The following PTAFR variants were observed in gnomAD, a reference collection of about 807,000 sequenced individuals.
PTAFR encodes platelet-activating factor receptor.
Under a neutral mutation model 14.7 loss-of-function variants are expected in PTAFR, and 8 were observed. That is an observed-to-expected ratio of 0.54 (90% CI 0.32 to 0.98). The LOEUF (loss-of-function observed/expected upper bound fraction) is 0.98. Among genes scored for constraint, PTAFR ranks in the 50% least tolerant of loss-of-function variants. PTAFR has a pLI of 0.04. For missense variants in PTAFR, 337 were observed against 451.2 expected (o/e 0.75, Z 2.29); for synonymous variants, 156 against 176.5 (o/e 0.88, Z 0.92).
chr1:28,163,979 T>C lies in PTAFR; in HGVS notation c.-39+12613A>G, dbSNP rs1210826296. 2.0e-5 allele frequency among the ~76,000 whole-genome samples: 3 copies of C among 152,130 alleles called. No individual in the cohort carries two copies. In the East Asian group the frequency reaches 5.8e-4, roughly 29 times the overall value. ...GCACAGCCTTCAGCTGGGGGTGGGG[T>C]AGAGAGGCCATAAATATTCATGAGA... On this transcript the variant is annotated intron_variant, in intron 1 of 1. Transcript: ENST00000373857.
intron 1 of PTAFR, among the ~76,000 whole-genome samples, chr1:28,168,001 C>A (rs1646407805): frequency 8.0e-6 from 1 of 124,852 alleles, no homozygotes; most frequent in Non-Finnish European, 1.6e-5. Flanking sequence ...CTCTGTAGCG[C>A]AGGCTGGAGT....
rs1419643663 is a variant in PTAFR, at chr1:28,148,578, C to T, written c.*1415G>A. On this transcript the variant is annotated 3_prime_UTR_variant, in exon 2 of 2. Coordinates refer to ENST00000373857, the MANE Select transcript of PTAFR (RefSeq NM_000952.5). ...GCTCACTGCAAGCTCCGCCTCCTCC[C>T]AGTAGCTACAGCCTATGGGACTACA... 1 of 152,502 alleles carries T rather than the reference C, an allele frequency of 6.6e-6. No individual in the cohort carries two copies. Among genetic ancestry groups the T allele is most frequent in the Non-Finnish European group, 1.5e-5 (1 of 68,292 alleles). The allele number at this position is 152,502 out of a possible 1,614,324, so 9.4% of individuals were successfully genotyped here.
chr1:28,180,778 A>G (rs1223755509), upstream of PTAFR, among the ~76,000 whole-genome samples: 2 of 152,142 alleles, frequency 1.3e-5, no homozygotes, highest in Non-Finnish European at 2.9e-5. Flanking sequence ...AAATGTCCAT[A>G]TATGTGGAAT....
At position 28,170,317 on chromosome 1, in the gene PTAFR, C is replaced by T. The variant is rs371836943; in HGVS notation, c.-39+6275G>A. On this transcript the variant is annotated intron_variant, in intron 1 of 1. Transcript: ENST00000373857. ...CACAGTCACAGTGTCCCTCACTCTTCGCTTCCAAACTCTCACACCCCAGCT... is the reference window on the plus strand; with the variant it reads ...CACAGTCACAGTGTCCCTCACTCTTTGCTTCCAAACTCTCACACCCCAGCT... 1.3e-3 allele frequency among the ~76,000 whole-genome samples: 195 copies of T among 152,282 alleles called. 4 individuals are homozygous for T. The South Asian group carries it at 0.039, about 31-fold the overall frequency.
In PTAFR at chr1:28,150,918, T is replaced by C. The variant is rs776355631; in HGVS notation, c.104A>G (p.Tyr35Cys). 6.2e-7 allele frequency: 1 copy of C among 1,614,044 alleles called. No homozygotes were observed. Among genetic ancestry groups the C allele is most frequent in the East Asian group, 2.2e-5 (1 of 44,882 alleles). ...CAGGCGGGCAAAGACCCACAGCACGTAGCCATTAGCAATGACCCCGAGCAC... is the reference window on the plus strand; with the variant it reads ...CAGGCGGGCAAAGACCCACAGCACGCAGCCATTAGCAATGACCCCGAGCAC... ...IFVLGVIANG[Y>C]VLWVFARLYP... The change falls in exon 2 of 2, where the codon TAC becomes TGC. Residue 35 changes from tyrosine to cysteine, a missense_variant. By Grantham distance (194) the Tyr-to-Cys change is radical. Coordinates refer to ENST00000373857, the MANE Select transcript of PTAFR (RefSeq NM_000952.5). The surrounding 1 kb of genome is among the most constrained non-coding windows in gnomAD (Gnocchi z 6.3).
At chr1:28,192,975 T>C (rs1646666751) in intron 1 of PTAFR, among the ~76,000 whole-genome samples, 1 of 152,200 alleles carries the variant, frequency 6.6e-6, no homozygotes, top group Non-Finnish European at 1.5e-5. Context: ...GCTTCTCCTG[T>C]CATGCTCTTT....
chr1:28,147,380 C>T lies in PTAFR; in HGVS notation c.*2613G>A, dbSNP rs1446149987. On this transcript the variant is annotated 3_prime_UTR_variant, in exon 2 of 2. Coordinates refer to ENST00000373857, the MANE Select transcript of PTAFR (RefSeq NM_000952.5). ...TGAGAGAATGTATCCTGACAAGGGA[C>T]GCTCACAGGGCCTAAAGGAAGAGTG... 3.3e-5 allele frequency: 5 copies of T among 152,108 alleles called. No homozygotes were observed. Among genetic ancestry groups the T allele is most frequent in the East Asian group, 1.9e-4 (1 of 5,176 alleles). 9.4% of individuals were successfully genotyped at this position (152,108 alleles called of 1,614,324 possible).
chr1:28,173,967 G>A (rs191742278), intron 1 of PTAFR, among the ~76,000 whole-genome samples: 197 of 152,302 alleles, frequency 1.3e-3, no homozygotes, highest in African/African-American at 4.6e-3. Flanking sequence ...GAGCTGTCTG[G>A]CTGGAGCAGG....
rs1487157575 is a variant in PTAFR, at chr1:28,148,762, T to G, written c.*1231A>C. 1 of 152,218 alleles carries G rather than the reference T, an allele frequency of 6.6e-6. No individual in the cohort carries two copies. Among genetic ancestry groups the G allele is most frequent in the African/African-American group, 2.4e-5 (1 of 41,452 alleles). The allele number at this position is 152,218 out of a possible 1,614,324, so 9.4% of individuals were successfully genotyped here. On this transcript the variant is annotated 3_prime_UTR_variant, in exon 2 of 2. Coordinates refer to ENST00000373857, the MANE Select transcript of PTAFR (RefSeq NM_000952.5). ...TACAGGCATGAGCCATATTTTTGTA[T>G]TCTTAGTGGAGATGGCGTTTCACCA...
intron 1 of PTAFR, among the ~76,000 whole-genome samples, chr1:28,167,950 CTTTTTTTT>C (rs33965504): frequency 3.9e-4 from 15 of 38,154 alleles, no homozygotes; most frequent in African/African-American, 1.4e-3. Flanking sequence ...AAAACCAGAT[CTTTTTTTT>C]TTTTTTTTTT....
intron 1 of PTAFR, among the ~76,000 whole-genome samples, chr1:28,165,656 GCCTGTAGTC>G (rs1474000959): frequency 1.3e-5 from 2 of 151,612 alleles, no homozygotes; most frequent in Non-Finnish European, 2.9e-5. Flanking sequence ...GGTGGCAGGC[GCCTGTAGTC>G]CCAGCTACTC....
At chr1:28,160,568 C>A (rs918030936) in intron 1 of PTAFR, among the ~76,000 whole-genome samples, 2 of 150,970 alleles carry the variant, frequency 1.3e-5, no homozygotes, top group Non-Finnish European at 3.0e-5. Flanking sequence ...CGCCACCCCC[C>A]ACACACACAC....
chr1:28,175,853 A>C (rs1399303938), intron 1 of PTAFR, among the ~76,000 whole-genome samples: 1 of 152,158 alleles, frequency 6.6e-6, no homozygotes, highest in African/African-American at 2.4e-5. Context: ...AAAACTGCAC[A>C]GAGATGGAGC....
chr1:28,167,731 C>T (rs1252971907), intron 1 of PTAFR, among the ~76,000 whole-genome samples: 1 of 147,110 alleles, frequency 6.8e-6, no homozygotes, highest in African/African-American at 2.6e-5. Context: ...CTGCAACCTC[C>T]GCCTCCCGCG....
At chr1:28,155,241 C>T (rs944696619) in intron 1 of PTAFR, among the ~76,000 whole-genome samples, 2 of 152,132 alleles carry the variant, frequency 1.3e-5, no homozygotes, top group Non-Finnish European at 2.9e-5. Context: ...GATGGGGTCT[C>T]GCTCTGTCAC....
At chr1:28,190,200 G>A (rs1254729814) in intron 1 of PTAFR, among the ~76,000 whole-genome samples, 3 of 149,450 alleles carry the variant, frequency 2.0e-5, no homozygotes, top group Non-Finnish European at 4.4e-5. Context: ...TCAAACTCCC[G>A]ACCTCAGATG....
At chr1:28,165,929 C>G (rs1370751535) in intron 1 of PTAFR, among the ~76,000 whole-genome samples, 2 of 152,144 alleles carry the variant, frequency 1.3e-5, no homozygotes, top group Admixed American at 1.3e-4. Flanking sequence ...CTACCAAAAT[C>G]CCAGTGTAAT....
At chr1:28,175,957 G>C (rs1275790948) in intron 1 of PTAFR, among the ~76,000 whole-genome samples, 3 of 152,000 alleles carry the variant, frequency 2.0e-5, no homozygotes, top group Non-Finnish European at 4.4e-5. Flanking sequence ...CCACCTCCCA[G>C]TAGGGTCTCT....
At chr1:28,169,362 GT>G (rs1646427802) in intron 1 of PTAFR, among the ~76,000 whole-genome samples, 1 of 151,932 alleles carries the variant, frequency 6.6e-6, no homozygotes, top group Non-Finnish European at 1.5e-5. Context: ...GTATTTTTAA[GT>G]TAGAGTCATA....
Sources: allele counts gnomAD v4.1 joint callset (sites outside exome capture counted in the v4.1 genomes callset), GRCh38; gene constraint gnomAD v4.1.1; non-coding constraint Gnocchi (gnomAD v3.1); transcripts MANE v1.5; gene names NCBI Gene and HGNC (gene_info 2026-07-23, HGNC 2026-07-21).